PCBP3: variants seen among roughly 807,000 people sequenced by gnomAD.
PCBP3 encodes the protein poly(rC) binding protein 3.
A neutral mutation model predicts 52.7 loss-of-function variants in PCBP3; 25 were observed. That is an observed-to-expected ratio of 0.47 (90% CI 0.35 to 0.66). The LOEUF (loss-of-function observed/expected upper bound fraction) is 0.66, where lower values mean the gene tolerates loss of function less well. Among genes scored for constraint, PCBP3 ranks in the 30% least tolerant of loss-of-function variants. The pLI is 0.01. For missense variants in PCBP3, 391 were observed against 490.3 expected, an observed-to-expected ratio of 0.80 and a Z score of 1.91; for synonymous variants, 162 against 183.0, an observed-to-expected ratio of 0.89 and a Z score of 0.93.
chr21:45,656,037 T>C lies in PCBP3; in HGVS notation c.-279+12169T>C, dbSNP rs982442990. 6.6e-6 allele frequency among the ~76,000 whole-genome samples: 1 copy of C among 152,224 alleles called. No homozygotes were observed. Among genetic ancestry groups the C allele is most frequent in the African/African-American group, 2.4e-5 (1 of 41,458 alleles). On this transcript the variant is annotated intron_variant, in intron 1 of 17. Transcript: ENST00000681687. The surrounding 1 kb of genome is among the most constrained non-coding windows in gnomAD (Gnocchi z 4.3). ...TGGAGAAATAGGAAAGCTTTTACAC[T>C]TTTGGTGGGAGTATAAATTAGTTCA...
chr21:45,712,604 CGTT>C (rs1253971263), intron 2 of PCBP3, among the ~76,000 whole-genome samples: 1 of 152,076 alleles, frequency 6.6e-6, no homozygotes, highest in Non-Finnish European at 1.5e-5. Flanking sequence ...ACACTGTACA[CGTT>C]GGTTTGTGGT....
chr21:45,843,307 GT>G (rs1032778422), intron 4 of PCBP3, among the ~76,000 whole-genome samples: 9 of 152,158 alleles, frequency 5.9e-5, no homozygotes, highest in African/African-American at 1.9e-4. Context: ...CTTCGCAGTT[GT>G]TTTTCTTGAT....
chr21:45,928,725 C>T lies in PCBP3; in HGVS notation c.718-1192C>T, dbSNP rs2075804356. On this transcript the variant is annotated intron_variant, in intron 13 of 17. Coordinates refer to ENST00000681687, the MANE Select transcript of PCBP3 (RefSeq NM_001384156.1). The surrounding 1 kb of genome is among the most constrained non-coding windows in gnomAD (Gnocchi z 4.1). ...GTGGCCTCTGTGGCAGCTTCTGCCA[C>T]CCATACCCTGTGCAGTGAGGAAGCT... Among the ~76,000 whole-genome samples, 1 of 152,232 alleles carries T rather than the reference C, an allele frequency of 6.6e-6. No individual in the cohort carries two copies.
chr21:45,901,758 GAGAC>G (rs201171106), intron 9 of PCBP3, among the ~76,000 whole-genome samples: 2,382 of 144,550 alleles, frequency 0.016, 73 homozygotes, highest in African/African-American at 0.058. Flanking sequence ...GAGAGAGACA[GAGAC>G]AGAGAGAGAG....
chr21:45,651,052 C>T (rs2079650859), intron 1 of PCBP3, among the ~76,000 whole-genome samples: 1 of 152,220 alleles, frequency 6.6e-6, no homozygotes, highest in Admixed American at 6.5e-5. Flanking sequence ...GGTGAGAACA[C>T]AGCCTGGCAA....
intron 4 of PCBP3, among the ~76,000 whole-genome samples, chr21:45,825,432 C>G (rs557655745): frequency 6.6e-6 from 1 of 152,114 alleles, no homozygotes; most frequent in Non-Finnish European, 1.5e-5. Context: ...GCTCAGCTGG[C>G]CCTCCTGTGT....
chr21:45,761,983 G>A (rs534171691), intron 4 of PCBP3: 36 of 152,350 alleles, frequency 2.4e-4, no homozygotes, highest in African/African-American at 8.2e-4. Flanking sequence ...ACACAGGCTC[G>A]TGCATTGTGT....
Position 45,804,604 on chromosome 21 carries a change from C to A in PCBP3, c.-125-45357C>A, listed in dbSNP as rs181980743. Among the ~76,000 whole-genome samples the A allele has an allele frequency of 3.0e-3, 452 of 152,192 alleles. 1 individual carries two copies. The highest frequency in any genetic ancestry group is 0.01 in the African/African-American group (416 of 41,528). On this transcript the variant is annotated intron_variant, in intron 4 of 17. Coordinates refer to ENST00000681687, the MANE Select transcript of PCBP3 (RefSeq NM_001384156.1). ...AGTGTCCCTTGGTCCATTGCCTGGG[C>A]TCTGTTGTCCTTACCAGGACTGCTG... is the stretch of plus-strand genomic sequence containing the variant.
At position 45,669,799 on chromosome 21, in the gene PCBP3, GTGTGTGTATATA is replaced by G. The variant is rs1188087639; in HGVS notation, c.-200+849_-200+860del. Among the ~76,000 whole-genome samples, 409 of 88,108 alleles carry G rather than the reference GTGTGTGTATATA, an allele frequency of 4.6e-3. 2 individuals carry two copies. Among genetic ancestry groups the G allele is most frequent in the Middle Eastern group, 0.013 (2 of 158 alleles). 57.8% of individuals were successfully genotyped at this position (88,108 alleles called of 152,430 possible). ...GAATAATATTCCATTGTGTGTGTGT[GTGTGTGTATATA>G]TATATATATATATATATATATATAT... On this transcript the variant is annotated intron_variant, in intron 2 of 17. Transcript: ENST00000681687.
At position 45,670,023 on chromosome 21, in the gene PCBP3, T is replaced by G. The variant is rs1406519318; in HGVS notation, c.-200+1071T>G. 2.6e-5 allele frequency among the ~76,000 whole-genome samples: 4 copies of G among 151,908 alleles called. 1 individual carries two copies. The South Asian group carries it at 8.3e-4, about 32-fold the overall frequency. Reference sequence around the variant, plus strand: ...ATCATATGCTAATACTTTTCTTAACTTTTTGAGGAATGACTGTATTGTTTT... The same window carrying G: ...ATCATATGCTAATACTTTTCTTAACGTTTTGAGGAATGACTGTATTGTTTT... On this transcript the variant is annotated intron_variant, in intron 2 of 17. Coordinates refer to ENST00000681687, the MANE Select transcript of PCBP3 (RefSeq NM_001384156.1).
chr21:45,655,969 C>G (rs2146946240), intron 1 of PCBP3, among the ~76,000 whole-genome samples: 1 of 152,286 alleles, frequency 6.6e-6, no homozygotes, highest in South Asian at 2.1e-4. Context: ...GTTTGAATGG[C>G]AATCCTTAAA....
rs548401718 is a variant in PCBP3 at position 45,810,566 on chromosome 21, A to G, written c.-125-39395A>G. Among the ~76,000 whole-genome samples the G allele has an allele frequency of 2.0e-3, 310 of 152,138 alleles. 2 individuals carry two copies. The highest frequency in any genetic ancestry group is 7.0e-3 in the African/African-American group (291 of 41,498). On this transcript the variant is annotated intron_variant, in intron 4 of 17. Transcript: ENST00000681687. The stretch of plus-strand genomic sequence containing the variant: ...GGCGTGAGCCATCTGTGCCCGGCCA[A>G]TTTTTGGACTTTTTTCACTAATATT...
chr21:45,740,338 G>A (rs554051588), intron 3 of PCBP3, among the ~76,000 whole-genome samples: 20 of 152,238 alleles, frequency 1.3e-4, no homozygotes, highest in African/African-American at 4.3e-4. Flanking sequence ...GTTAGCATCC[G>A]GGATGACTTA....
chr21:45,675,605 C>T (rs553784904), intron 2 of PCBP3, among the ~76,000 whole-genome samples: 1 of 152,278 alleles, frequency 6.6e-6, no homozygotes, highest in East Asian at 1.9e-4. Context: ...GAAAGCAGAG[C>T]GGGGCCTCAA....
intron 2 of PCBP3, among the ~76,000 whole-genome samples, chr21:45,693,131 TC>T: frequency 6.6e-6 from 1 of 152,100 alleles, no homozygotes; most frequent in Non-Finnish European, 1.5e-5. Context: ...TACAATAATT[TC>T]GTCAACCTGA....
At chr21:45,832,197 G>T (rs1351279432) in intron 4 of PCBP3, among the ~76,000 whole-genome samples, 1 of 152,192 alleles carries the variant, frequency 6.6e-6, no homozygotes, top group East Asian at 1.9e-4. Context: ...ACACCATACG[G>T]TAACTTCCTG....
chr21:45,879,580 TAACAAATTTAA>T (rs2095352296), intron 5 of PCBP3, among the ~76,000 whole-genome samples: 1 of 152,136 alleles, frequency 6.6e-6, no homozygotes. Context: ...AACTAAAGCC[TAACAAATTTAA>T]AATAATTTAA....
At chr21:45,787,105 A>G (rs187982197) in intron 4 of PCBP3, among the ~76,000 whole-genome samples, 7 of 152,356 alleles carry the variant, frequency 4.6e-5, no homozygotes, top group Admixed American at 3.3e-4. Flanking sequence ...GTATATTGTA[A>G]TAAGCCTGAA....
Position 45,736,084 on chromosome 21 carries a change from C to T in PCBP3, c.-162+655C>T, listed in dbSNP as rs1457399014. Among the ~76,000 whole-genome samples, 2 of 152,222 alleles carry T rather than the reference C, an allele frequency of 1.3e-5. No homozygotes were observed. Among genetic ancestry groups the T allele is most frequent in the Non-Finnish European group, 2.9e-5 (2 of 68,038 alleles). ...AAGGTCATTTTCAAAACGTTTTCAGCAGGAACTTGGTGTATATTTGCAGTT... is the reference window on the plus strand; with the variant it reads ...AAGGTCATTTTCAAAACGTTTTCAGTAGGAACTTGGTGTATATTTGCAGTT... On this transcript the variant is annotated intron_variant, in intron 3 of 17. Transcript: ENST00000681687. The surrounding 1 kb of genome is among the most constrained non-coding windows in gnomAD (Gnocchi z 4.6).
Sources: gnomAD v4.1 joint callset for allele counts (sites outside exome capture counted in the v4.1 genomes callset) on GRCh38, gnomAD v4.1.1 for gene constraint, Gnocchi (gnomAD v3.1) non-coding constraint, MANE v1.5 for transcripts, NCBI Gene and HGNC (gene_info 2026-07-23, HGNC 2026-07-21) for gene names.